The following EVC variants were observed in gnomAD, a reference collection of about 807,000 sequenced individuals.
EVC encodes the protein evC complex member EVC.
A neutral mutation model predicts 118.9 loss-of-function variants in EVC; 116 were observed. The observed-to-expected ratio is 0.98, with a 90% confidence interval of 0.84 to 1.14. The LOEUF (loss-of-function observed/expected upper bound fraction) is 1.14. Ranked by LOEUF, EVC falls within the 50% of genes most tolerant of loss-of-function variation. The pLI, the probability that EVC is intolerant of heterozygous loss-of-function variation, is 0.00. For synonymous variants in EVC, 619 were observed against 534.7 expected (o/e 1.16, Z -2.18); for missense variants, 1,401 against 1,246.4 (o/e 1.12, Z -1.87).
chr4:5,756,642 C>T lies in EVC; in HGVS notation c.1563+280C>T, dbSNP rs564434705. 4.6e-5 allele frequency among the ~76,000 whole-genome samples: 7 copies of T among 152,296 alleles called. No homozygotes were observed. Among genetic ancestry groups the T allele is most frequent in the East Asian group, 1.9e-4 (1 of 5,176 alleles). On this transcript the variant is annotated intron_variant, in intron 11 of 20. Coordinates refer to ENST00000264956, the MANE Select transcript of EVC (RefSeq NM_153717.3). The surrounding 1 kb of genome is among the most constrained non-coding windows in gnomAD (Gnocchi z 4.2). ...CTGTCAGCAAAGCTCTTTGGAAATC[C>T]GTTCTCCCCAGGTGAGAAATAGGCC...
chr4:5,723,568 C>G (rs1725330469), intron 2 of EVC, among the ~76,000 whole-genome samples: 1 of 152,094 alleles, frequency 6.6e-6, no homozygotes, highest in Admixed American at 6.5e-5. Flanking sequence ...TTTTGCTTTT[C>G]TCTCATGGTC....
downstream of EVC, among the ~76,000 whole-genome samples, chr4:5,816,653 C>T (rs979138928): frequency 2.7e-5 from 4 of 147,724 alleles, no homozygotes; most frequent in African/African-American, 7.5e-5. Context: ...TCTCCCTTCC[C>T]TCCCTCCTTC....
intron 11 of EVC, among the ~76,000 whole-genome samples, chr4:5,768,501 G>A (rs1322559050): frequency 6.6e-6 from 1 of 151,972 alleles, no homozygotes; most frequent in Admixed American, 6.6e-5. Context: ...AATATCAAGA[G>A]GTTTAAATAA....
the EVC span, chr4:5,824,653 A>G: frequency 1.1e-6 from 1 of 935,548 alleles, no homozygotes; most frequent in Admixed American, 6.3e-5. Flanking sequence ...GCTATTGAAT[A>G]TAACATCCTA....
chr4:5,796,566 T>C (rs1042175345), intron 13 of EVC, among the ~76,000 whole-genome samples: 1 of 152,078 alleles, frequency 6.6e-6, no homozygotes, highest in Non-Finnish European at 1.5e-5. Context: ...TTTGCCAGCC[T>C]CTTCTTGGCA....
intron 11 of EVC, among the ~76,000 whole-genome samples, chr4:5,773,965 G>A (rs1196231887): frequency 2.0e-5 from 3 of 152,070 alleles, no homozygotes; most frequent in African/African-American, 4.8e-5. Context: ...CATGTCCAGG[G>A]AATCCCAGAA....
intron 6 of EVC, among the ~76,000 whole-genome samples, chr4:5,744,689 G>T (rs1442243163): frequency 6.6e-6 from 1 of 152,166 alleles, no homozygotes; most frequent in Non-Finnish European, 1.5e-5. Flanking sequence ...CAGAAACAGG[G>T]CCTTGGCTAC....
chr4:5,760,388 C>G (rs1383758873), intron 11 of EVC, among the ~76,000 whole-genome samples: 2 of 151,946 alleles, frequency 1.3e-5, no homozygotes, highest in East Asian at 3.9e-4. Flanking sequence ...TGAAGACAGC[C>G]TTTTAACGTA....
chr4:5,811,252 C>T lies in EVC; in HGVS notation c.*215C>T, dbSNP rs1446912659. ...GCATTCCCGTCTTGGAAACACGTCT[C>T]TGTGAGTTTGCATTTCATTTGGCTT... is the stretch of plus-strand genomic sequence containing the variant. On this transcript the variant is annotated 3_prime_UTR_variant, in exon 21 of 21. Transcript: ENST00000264956. 4 of 538,068 alleles carry T rather than the reference C, an allele frequency of 7.4e-6. No homozygotes were observed. Among genetic ancestry groups the T allele is most frequent in the Non-Finnish European group, 1.3e-5 (4 of 298,116 alleles). 33.3% of individuals were successfully genotyped at this position (538,068 alleles called of 1,614,324 possible).
At chr4:5,819,537 T>G in the EVC span, among the ~76,000 whole-genome samples, 1 of 152,164 alleles carries the variant, frequency 6.6e-6, no homozygotes, top group East Asian at 1.9e-4. Flanking sequence ...GGCTCTAGAT[T>G]ATGCTGGTTG....
intron 17 of EVC, among the ~76,000 whole-genome samples, chr4:5,806,189 C>G (rs1715878600): frequency 6.6e-6 from 1 of 151,942 alleles, no homozygotes; most frequent in Non-Finnish European, 1.5e-5. Flanking sequence ...AAGCGATTCT[C>G]TTGCCTCAGT....
chr4:5,740,709 C>G (rs1728411573), intron 5 of EVC, among the ~76,000 whole-genome samples: 3 of 152,058 alleles, frequency 2.0e-5, no homozygotes, highest in African/African-American at 4.8e-5. Context: ...GGACTAGTAC[C>G]TAGACCAGAT....
At chr4:5,821,802 C>G in the EVC span, 6 of 1,611,686 alleles carry the variant, frequency 3.7e-6, no homozygotes, top group South Asian at 1.1e-5. The surrounding 1 kb of genome is among the most constrained non-coding windows in gnomAD (Gnocchi z 4.4). Context: ...CAGGGGGCGC[C>G]ACGATGCGGT....
At position 5,741,696 on chromosome 4, in the gene EVC, C is replaced by G. The variant is rs749681885; in HGVS notation, c.703-20C>G. 1 of 1,443,998 alleles carries G rather than the reference C, an allele frequency of 6.9e-7. No individual in the cohort carries two copies. The highest frequency in any genetic ancestry group is 9.7e-7 in the Non-Finnish European group (1 of 1,027,796). The allele number at this position is 1,443,998 out of a possible 1,614,324, so 89.4% of individuals were successfully genotyped here. A position where few individuals can be genotyped will look rare whatever the true frequency, so the allele number is the denominator to read the frequency against. ...ATTGATTAAACTTTTCTTTTGTTAT[C>G]TTTCCTTTCTTGGCAATAGATGTTT... On this transcript the variant is annotated intron_variant, in intron 5 of 20. Coordinates refer to ENST00000264956, the MANE Select transcript of EVC (RefSeq NM_153717.3).
intron 11 of EVC, among the ~76,000 whole-genome samples, chr4:5,770,688 G>C (rs1343134378): frequency 6.6e-6 from 1 of 152,142 alleles, no homozygotes; most frequent in Admixed American, 6.5e-5. Context: ...CAATATTGAT[G>C]AATACACAAA....
chr4:5,711,377 C>A lies in EVC; in HGVS notation c.-4C>A. 9.9e-7 allele frequency: 1 copy of A among 1,010,628 alleles called. No homozygotes were observed. Among genetic ancestry groups the A allele is most frequent in the South Asian group, 4.5e-5 (1 of 22,212 alleles). The allele number at this position is 1,010,628 out of a possible 1,614,324, so 62.6% of individuals were successfully genotyped here. On this transcript the variant is annotated 5_prime_UTR_variant, in exon 1 of 21. Coordinates refer to ENST00000264956, the MANE Select transcript of EVC (RefSeq NM_153717.3). ...GCGGCGGGGCGGCAGCCTGAGCGCCCCGGATGGCCCGCGGCGGGGCGGCCT... is the reference window on the plus strand; with the variant it reads ...GCGGCGGGGCGGCAGCCTGAGCGCCACGGATGGCCCGCGGCGGGGCGGCCT...
intron 11 of EVC, among the ~76,000 whole-genome samples, chr4:5,778,126 A>G (rs1178884609): frequency 2.0e-5 from 3 of 151,404 alleles, no homozygotes; most frequent in Non-Finnish European, 4.4e-5. Context: ...ACTGAGAATG[A>G]TGATTTCCAA....
At chr4:5,736,737 G>A (rs1214944619) in intron 5 of EVC, among the ~76,000 whole-genome samples, 1 of 152,182 alleles carries the variant, frequency 6.6e-6, no homozygotes, top group Non-Finnish European at 1.5e-5. Context: ...TGCTGTGCCA[G>A]TATGAGACAA....
chr4:5,748,141 T>G lies in EVC; in HGVS notation c.940-7T>G. 1.2e-6 allele frequency: 2 copies of G among 1,614,202 alleles called. No individual in the cohort carries two copies. Among genetic ancestry groups the G allele is most frequent in the Non-Finnish European group, 1.7e-6 (2 of 1,180,042 alleles). On this transcript the variant is annotated splice_region_variant and splice_polypyrimidine_tract_variant and intron_variant, in intron 7 of 20. Transcript: ENST00000264956. ...CTCACTTCTTGCTGCTTGTGCTCAT[T>G]TCACAGATGGAAGCTTTCTGGAAAC...
Sources: allele counts gnomAD v4.1 joint callset (sites outside exome capture counted in the v4.1 genomes callset), GRCh38; gene constraint gnomAD v4.1.1; non-coding constraint Gnocchi (gnomAD v3.1); transcripts MANE v1.5; gene names NCBI Gene and HGNC (gene_info 2026-07-23, HGNC 2026-07-21).